The following DLGAP2 variants were observed in gnomAD, a reference collection of about 807,000 sequenced individuals.
DLGAP2 encodes the protein disks large-associated protein 2.
Under a neutral mutation model 100.3 loss-of-function variants are expected in DLGAP2, and 26 were observed. The observed-to-expected ratio is 0.26, with a 90% CI of 0.19 to 0.36. DLGAP2 has a LOEUF of 0.36. DLGAP2 is among the 10% of genes least tolerant of loss of function. The pLI is 1.00. For missense variants in DLGAP2, 1,858 were observed against 1,453.2 expected (o/e 1.28, Z -4.53); for synonymous variants, 886 against 630.1 (o/e 1.41, Z -6.08).
chr8:970,486 C>G (rs1799985644), intron 2 of DLGAP2, among the ~76,000 whole-genome samples: 1 of 152,112 alleles, frequency 6.6e-6, no homozygotes, highest in Non-Finnish European at 1.5e-5. Context: ...TTTCCCTTGC[C>G]ATCTGTACTT....
At chr8:1,001,938 A>C (rs1177992775) in intron 2 of DLGAP2, among the ~76,000 whole-genome samples, 1 of 152,196 alleles carries the variant, frequency 6.6e-6, no homozygotes, top group Non-Finnish European at 1.5e-5. Context: ...TTTGAGCTTA[A>C]AAATGGTCAT....
At chr8:1,127,155 C>T (rs1160669753) in intron 2 of DLGAP2, among the ~76,000 whole-genome samples, 1 of 150,516 alleles carries the variant, frequency 6.6e-6, no homozygotes, top group African/African-American at 2.4e-5. Context: ...GGACCCCACC[C>T]TGTCCCCAAC....
intron 3 of DLGAP2, among the ~76,000 whole-genome samples, chr8:1,355,672 T>A (rs1226313431): frequency 6.6e-6 from 1 of 152,042 alleles, no homozygotes; most frequent in Non-Finnish European, 1.5e-5. Flanking sequence ...CAAGTACGAG[T>A]ATTTTTTAAT....
chr8:1,278,873 T>G (rs1563057878), intron 3 of DLGAP2, among the ~76,000 whole-genome samples: 1 of 152,250 alleles, frequency 6.6e-6, no homozygotes, highest in Non-Finnish European at 1.5e-5. Context: ...TACGACTTTT[T>G]GGACAATTTA....
At chr8:1,565,254 G>T (rs932738120) in intron 5 of DLGAP2, among the ~76,000 whole-genome samples, 1 of 151,714 alleles carries the variant, frequency 6.6e-6, no homozygotes, top group Non-Finnish European at 1.5e-5. Context: ...TTATTTGCTT[G>T]CAATTAAGAT....
At chr8:1,243,191 C>T (rs191755289) in intron 2 of DLGAP2, among the ~76,000 whole-genome samples, 1 of 152,130 alleles carries the variant, frequency 6.6e-6, no homozygotes. Context: ...GTGGACACAC[C>T]AGGGGAGTGA....
chr8:1,074,519 A>C (rs1371569997), intron 2 of DLGAP2, among the ~76,000 whole-genome samples: 9 of 152,114 alleles, frequency 5.9e-5, no homozygotes, highest in Non-Finnish European at 1.3e-4. Context: ...GGACAGAGAG[A>C]GCTCCCACCT....
intron 2 of DLGAP2, among the ~76,000 whole-genome samples, chr8:1,164,818 C>T (rs1040559848): frequency 6.6e-6 from 1 of 152,104 alleles, no homozygotes; most frequent in African/African-American, 2.4e-5. Flanking sequence ...GTGCGTGTGA[C>T]AGTGAGAATA....
At chr8:1,210,813 G>A (rs528797424) in intron 2 of DLGAP2, among the ~76,000 whole-genome samples, 31 of 151,948 alleles carry the variant, frequency 2.0e-4, no homozygotes, top group African/African-American at 6.8e-4. Flanking sequence ...CCATGTGGTC[G>A]GTTTTCCCAT....
intron 3 of DLGAP2, among the ~76,000 whole-genome samples, chr8:1,262,160 G>A (rs80333161): frequency 3.7e-3 from 570 of 152,300 alleles, no homozygotes; most frequent in Non-Finnish European, 4.9e-3. Flanking sequence ...TCAAACAAAC[G>A]CAACCAGGGA....
chr8:881,680 C>CACAT, intron 1 of DLGAP2, among the ~76,000 whole-genome samples: 1 of 53,402 alleles, frequency 1.9e-5, no homozygotes, highest in Non-Finnish European at 5.2e-5. Flanking sequence ...CACACACACA[C>CACAT]ACTTTTTTTT....
chr8:1,371,162 C>A lies in DLGAP2; in HGVS notation c.106+112279C>A, dbSNP rs1563110782. Among the ~76,000 whole-genome samples, 3 of 152,228 alleles carry A rather than the reference C, an allele frequency of 2.0e-5. No individual in the cohort carries two copies. The South Asian group carries it at 6.2e-4, about 32-fold the overall frequency. Reference sequence around the variant, plus strand: ...GCTCCTCGAGGAAGAGAGTAAGACACGTCTTTCTTTTGCCTCCGTCCTGTA... The same window carrying A: ...GCTCCTCGAGGAAGAGAGTAAGACAAGTCTTTCTTTTGCCTCCGTCCTGTA... On this transcript the variant is annotated intron_variant, in intron 3 of 14. Coordinates refer to ENST00000637795, the MANE Select transcript of DLGAP2 (RefSeq NM_001346810.2).
chr8:1,483,252 T>G (rs1202298848), intron 3 of DLGAP2, among the ~76,000 whole-genome samples: 1 of 152,150 alleles, frequency 6.6e-6, no homozygotes, highest in East Asian at 1.9e-4. Context: ...CATGAGGAAG[T>G]GACCCAGCCC....
chr8:1,453,651 A>G (rs747611501), intron 3 of DLGAP2, among the ~76,000 whole-genome samples: 1 of 152,252 alleles, frequency 6.6e-6, no homozygotes, highest in Admixed American at 6.5e-5. Context: ...CTGCAACACC[A>G]CCATCCACCC....
At chr8:810,267 T>C (rs555738589) in intron 1 of DLGAP2, among the ~76,000 whole-genome samples, 2 of 152,394 alleles carry the variant, frequency 1.3e-5, no homozygotes, top group African/African-American at 4.8e-5. Context: ...CTTGCAATAC[T>C]TGACAATTTA....
At chr8:1,547,239 G>T (rs894691864) in intron 4 of DLGAP2, among the ~76,000 whole-genome samples, 2 of 152,218 alleles carry the variant, frequency 1.3e-5, no homozygotes, top group African/African-American at 2.4e-5. Flanking sequence ...GCCTGGCACT[G>T]CTGCGGGATG....
intron 2 of DLGAP2, among the ~76,000 whole-genome samples, chr8:1,214,142 C>G (rs1311966971): frequency 6.6e-6 from 1 of 152,320 alleles, no homozygotes; most frequent in African/African-American, 2.4e-5. Flanking sequence ...CAGCCCCCTT[C>G]CCTCCACACC....
intron 1 of DLGAP2, among the ~76,000 whole-genome samples, chr8:842,928 C>G (rs774387850): frequency 6.6e-5 from 10 of 152,088 alleles, no homozygotes; most frequent in Non-Finnish European, 1.2e-4. Flanking sequence ...ATGTAATCTT[C>G]TTAGTGTCTT....
chr8:1,265,531 G>A (rs189776298), intron 3 of DLGAP2, among the ~76,000 whole-genome samples: 1 of 152,172 alleles, frequency 6.6e-6, no homozygotes, highest in African/African-American at 2.4e-5. Context: ...GAAAGGAGAA[G>A]CAGCATTAGT....
Sources: gnomAD v4.1 joint callset for allele counts (sites outside exome capture counted in the v4.1 genomes callset) on GRCh38, gnomAD v4.1.1 for gene constraint, MANE v1.5 for transcripts, NCBI Gene and HGNC (gene_info 2026-07-23, HGNC 2026-07-21) for gene names.